The following PDLIM1 variants were observed in gnomAD, a reference collection of about 807,000 sequenced individuals.
PDLIM1 encodes PDZ and LIM domain 1, also known as PDZ and LIM domain protein 1.
In PDLIM1, 25 loss-of-function variants were observed where a neutral mutation model predicts 35.2. The observed-to-expected ratio is 0.71, with a 90% CI of 0.52 to 0.99. The LOEUF (loss-of-function observed/expected upper bound fraction) is 0.99, where lower values mean the gene tolerates loss of function less well. Among genes scored for constraint, PDLIM1 ranks in the 50% least tolerant of loss-of-function variants. The probability of loss-of-function intolerance (pLI) is 0.00; values close to 1 mark genes in which losing one functional copy is unlikely to be tolerated. For missense variants in PDLIM1, 363 were observed against 415.3 expected (o/e 0.87, Z 1.09); for synonymous variants, 152 against 154.0 (o/e 0.99, Z 0.10).
intron 1 of PDLIM1, among the ~76,000 whole-genome samples, chr10:95,287,273 A>C (rs2035610797): frequency 6.6e-6 from 1 of 152,206 alleles, no homozygotes; most frequent in African/African-American, 2.4e-5. Flanking sequence ...CCTGCTTTTC[A>C]TAATCTGACA....
chr10:95,274,486 GT>G (rs1451005226), intron 1 of PDLIM1, among the ~76,000 whole-genome samples: 1 of 151,548 alleles, frequency 6.6e-6, no homozygotes, highest in Non-Finnish European at 1.5e-5. Context: ...AAGAGATGGG[GT>G]TTTTTCACCA....
intron 5 of PDLIM1, among the ~76,000 whole-genome samples, chr10:95,246,547 G>A (rs1199035223): frequency 6.6e-6 from 1 of 152,168 alleles, no homozygotes; most frequent in African/African-American, 2.4e-5. Context: ...TATGAAGCGA[G>A]TACTCAGTTA....
intron 1 of PDLIM1, chr10:95,273,301 G>C (rs1385065): frequency 0.23 from 34,357 of 152,114 alleles, 4,628 homozygotes; most frequent in Non-Finnish European, 0.31. Flanking sequence ...GAACACCTGG[G>C]TGTCTCCTTA....
At chr10:95,286,765 A>G (rs1270974540) in intron 1 of PDLIM1, among the ~76,000 whole-genome samples, 1 of 152,270 alleles carries the variant, frequency 6.6e-6, no homozygotes, top group Non-Finnish European at 1.5e-5. Context: ...CTAACCTGTG[A>G]GCACCTGAGC....
chr10:95,273,488 A>T (rs1302123812), intron 1 of PDLIM1: 1 of 152,100 alleles, frequency 6.6e-6, no homozygotes, highest in Non-Finnish European at 1.5e-5. Context: ...GACCCCAAAA[A>T]ATGAGGACAA....
At chr10:95,287,929 C>G (rs1295589697) in intron 1 of PDLIM1, among the ~76,000 whole-genome samples, 1 of 151,572 alleles carries the variant, frequency 6.6e-6, no homozygotes, top group Admixed American at 6.6e-5. Context: ...CACACACACA[C>G]GTGTTCTGTA....
chr10:95,249,440 G>A (rs952683710), intron 4 of PDLIM1, among the ~76,000 whole-genome samples: 8 of 152,230 alleles, frequency 5.3e-5, no homozygotes, highest in South Asian at 2.1e-4. Context: ...TGTGCTTCCT[G>A]AGTAATAAAG....
chr10:95,264,446 A>G (rs1426097426), intron 3 of PDLIM1, among the ~76,000 whole-genome samples: 2 of 152,236 alleles, frequency 1.3e-5, no homozygotes, highest in African/African-American at 4.8e-5. Context: ...CTAGGTGAAG[A>G]GAAATATGCA....
chr10:95,281,818 G>A (rs2035564004), intron 1 of PDLIM1, among the ~76,000 whole-genome samples: 1 of 152,148 alleles, frequency 6.6e-6, no homozygotes, highest in Admixed American at 6.5e-5. Flanking sequence ...CTCCAAACAA[G>A]ATATCTAAAT....
chr10:95,239,000 G>T (rs576545840), intron 5 of PDLIM1, among the ~76,000 whole-genome samples: 1 of 112,840 alleles, frequency 8.9e-6, no homozygotes, highest in South Asian at 2.7e-4. Context: ...AAACGACATG[G>T]TACTGGTAGA....
intron 4 of PDLIM1, chr10:95,247,750 T>G (rs936017596): frequency 2.5e-5 from 4 of 162,280 alleles, no homozygotes; most frequent in African/African-American, 9.6e-5. Context: ...CGGGTCCCCC[T>G]TGTATGGGCC....
Position 95,263,845 on chromosome 10 carries a change from G to A in PDLIM1, c.533+19C>T, listed in dbSNP as rs1356699986. 1.3e-6 allele frequency: 2 copies of A among 1,591,868 alleles called. No homozygotes were observed. Among genetic ancestry groups the A allele is most frequent in the African/African-American group, 2.7e-5 (2 of 74,558 alleles). On this transcript the variant is annotated intron_variant, in intron 4 of 6. Coordinates refer to ENST00000329399, the MANE Select transcript of PDLIM1 (RefSeq NM_020992.4). ...CCCCTCCCAGGAGCGGCTCAGAGGA[G>A]GACTCCTGGGCTACTTACGGTCTGC...
Position 95,243,124 on chromosome 10 carries a change from G to T in PDLIM1, c.685+4091C>A, listed in dbSNP as rs141808134. On this transcript the variant is annotated intron_variant, in intron 5 of 6. Transcript: ENST00000329399. The stretch of plus-strand genomic sequence containing the variant: ...TCCACATCTTTTTCTAGAATGAAGA[G>T]ACCTGACCTGGATAAAACTGGGCAC... Among the ~76,000 whole-genome samples the T allele has an allele frequency of 2.0e-5, 3 of 152,118 alleles. No homozygotes were observed. The East Asian group carries it at 5.8e-4, about 29-fold the overall frequency.
At chr10:95,252,107 A>G (rs1197365591) in intron 4 of PDLIM1, among the ~76,000 whole-genome samples, 1 of 152,220 alleles carries the variant, frequency 6.6e-6, no homozygotes, top group Non-Finnish European at 1.5e-5. Context: ...TCACCAGGCT[A>G]TGATGTGGTT....
intron 1 of PDLIM1, among the ~76,000 whole-genome samples, chr10:95,278,961 T>C (rs983614471): frequency 6.6e-6 from 1 of 152,242 alleles, no homozygotes; most frequent in Admixed American, 6.5e-5. Flanking sequence ...TACTGACAGC[T>C]AGATGGGGTT....
At chr10:95,262,792 A>G (rs984455188) in intron 4 of PDLIM1, among the ~76,000 whole-genome samples, 20 of 152,160 alleles carry the variant, frequency 1.3e-4, no homozygotes, top group Admixed American at 4.6e-4. Flanking sequence ...ATTCATCCTC[A>G]AAGAGCCTGA....
intron 1 of PDLIM1, among the ~76,000 whole-genome samples, chr10:95,280,786 G>A (rs953930635): frequency 1.6e-4 from 25 of 152,314 alleles, no homozygotes; most frequent in African/African-American, 4.6e-4. Context: ...TTTATGGAAC[G>A]TTGTTAACCT....
In PDLIM1 at chr10:95,256,861, G is replaced by A. The variant is rs2035315155; in HGVS notation, c.533+7003C>T. ...GTGGCAACGCAAGCCTGTAGTTCTAGATACTCAGGAGGCTAAGACCAAAGA... is the reference window on the plus strand; with the variant it reads ...GTGGCAACGCAAGCCTGTAGTTCTAAATACTCAGGAGGCTAAGACCAAAGA... On this transcript the variant is annotated intron_variant, in intron 4 of 6. Coordinates refer to ENST00000329399, the MANE Select transcript of PDLIM1 (RefSeq NM_020992.4). 1.3e-5 allele frequency among the ~76,000 whole-genome samples: 2 copies of A among 151,586 alleles called. 1 individual carries two copies. The highest frequency in any genetic ancestry group is 4.2e-4 in the South Asian group (2 of 4,804).
Position 95,282,773 on chromosome 10 carries a change from T to C in PDLIM1, c.96+8047A>G, listed in dbSNP as rs144422725. 3.6e-4 allele frequency among the ~76,000 whole-genome samples: 55 copies of C among 152,132 alleles called. 1 individual carries two copies. Among genetic ancestry groups the C allele is most frequent in the African/African-American group, 1.2e-3 (51 of 41,496 alleles). The stretch of plus-strand genomic sequence containing the variant: ...TGTTCACCAACATGGTGAAACCCCA[T>C]CTCTACTAAAAATACAAAAAATTAG... On this transcript the variant is annotated intron_variant, in intron 1 of 6. Transcript: ENST00000329399.
Sources: gnomAD v4.1 joint callset for allele counts (sites outside exome capture counted in the v4.1 genomes callset) on GRCh38, gnomAD v4.1.1 for gene constraint, MANE v1.5 for transcripts, NCBI Gene and HGNC (gene_info 2026-07-23, HGNC 2026-07-21) for gene names.